B3GALT1: variants seen among roughly 807,000 people sequenced by gnomAD.
B3GALT1 encodes UDP-Gal:betaGlcNAc beta 1,3-galactosyltransferase, polypeptide 1.
B3GALT1 carries 10 observed loss-of-function variants against 23.2 expected under a neutral mutation model. The observed-to-expected ratio is 0.43, with a 90% CI of 0.27 to 0.73. The LOEUF (loss-of-function observed/expected upper bound fraction) is 0.73, where lower values mean the gene tolerates loss of function less well. B3GALT1 is among the 30% of genes least tolerant of loss of function. The pLI, the probability that B3GALT1 is intolerant of heterozygous loss-of-function variation, is 0.21. For missense variants in B3GALT1, 299 were observed against 405.4 expected, an observed-to-expected ratio of 0.74 and a Z score of 2.25; for synonymous variants, 156 against 141.5, an observed-to-expected ratio of 1.10 and a Z score of -0.73.
intron 2 of B3GALT1, among the ~76,000 whole-genome samples, chr2:167,590,162 C>T (rs1482165908): frequency 1.3e-5 from 2 of 151,802 alleles, no homozygotes; most frequent in African/African-American, 4.8e-5. Flanking sequence ...CTGGCTAACA[C>T]AGTGAAACCC....
At chr2:167,299,548 G>A (rs76936937) in intron 1 of B3GALT1, among the ~76,000 whole-genome samples, 10,726 of 152,172 alleles carry the variant, frequency 0.07, 391 homozygotes, top group South Asian at 0.083. Context: ...AGTAATGCAT[G>A]TTGATTTCTC....
At chr2:167,297,868 C>G (rs1468951614) in intron 1 of B3GALT1, among the ~76,000 whole-genome samples, 1 of 152,024 alleles carries the variant, frequency 6.6e-6, no homozygotes, top group African/African-American at 2.4e-5. Context: ...GATTACAGGA[C>G]AATAGTGCAG....
intron 3 of B3GALT1, among the ~76,000 whole-genome samples, chr2:167,754,117 T>G (rs1203941999): frequency 1.3e-5 from 2 of 152,224 alleles, no homozygotes; most frequent in African/African-American, 2.4e-5. Flanking sequence ...GAAAAATGCC[T>G]GATATGCTTA....
At chr2:167,421,830 A>T (rs1054990449) in intron 1 of B3GALT1, among the ~76,000 whole-genome samples, 6 of 152,254 alleles carry the variant, frequency 3.9e-5, no homozygotes, top group Non-Finnish European at 7.3e-5. Flanking sequence ...AGCTTAGGAA[A>T]ATATATCTAA....
chr2:167,344,829 A>G (rs1375843867), intron 1 of B3GALT1, among the ~76,000 whole-genome samples: 1 of 152,168 alleles, frequency 6.6e-6, no homozygotes, highest in African/African-American at 2.4e-5. Context: ...TTACTAGTGA[A>G]TGTCATAGCC....
Position 167,868,999 on chromosome 2 carries a change from G to T in B3GALT1, c.-41G>T, listed in dbSNP as rs1559009471. On this transcript the variant is annotated 5_prime_UTR_variant, in exon 5 of 5. Coordinates refer to ENST00000392690, the MANE Select transcript of B3GALT1 (RefSeq NM_020981.4). Reference sequence around the variant, plus strand: ...ATGAAAACAAACTAGTGCCAAGGAGGCGTATTCTTCAATATTTGGAATAGA... The same window carrying T: ...ATGAAAACAAACTAGTGCCAAGGAGTCGTATTCTTCAATATTTGGAATAGA... 6.5e-7 allele frequency: 1 copy of T among 1,537,672 alleles called. No individual in the cohort carries two copies. The highest frequency in any genetic ancestry group is 8.7e-7 in the Non-Finnish European group (1 of 1,144,618).
intron 3 of B3GALT1, among the ~76,000 whole-genome samples, chr2:167,718,724 T>A (rs1213073470): frequency 6.6e-6 from 1 of 151,398 alleles, no homozygotes; most frequent in Non-Finnish European, 1.5e-5. Flanking sequence ...AAGGGCATGA[T>A]CTAATGGTCA....
At chr2:167,410,903 C>T (rs1485079987) in intron 1 of B3GALT1, among the ~76,000 whole-genome samples, 2 of 151,988 alleles carry the variant, frequency 1.3e-5, no homozygotes, top group Admixed American at 6.6e-5. Context: ...CTTATGACCT[C>T]TTAGGTCATA....
intron 2 of B3GALT1, among the ~76,000 whole-genome samples, chr2:167,635,587 A>G (rs1215599280): frequency 1.3e-5 from 2 of 151,552 alleles, no homozygotes; most frequent in Non-Finnish European, 2.9e-5. Flanking sequence ...GTGAACTCCC[A>G]TTGACAATTG....
At chr2:167,311,391 G>A (rs1176474104) in intron 1 of B3GALT1, among the ~76,000 whole-genome samples, 1 of 151,976 alleles carries the variant, frequency 6.6e-6, no homozygotes, top group African/African-American at 2.4e-5. Context: ...GGGTAAAATG[G>A]TAAAACAAAG....
chr2:167,636,471 C>T (rs995496472), intron 2 of B3GALT1, among the ~76,000 whole-genome samples: 1 of 151,980 alleles, frequency 6.6e-6, no homozygotes, highest in African/African-American at 2.4e-5. Flanking sequence ...TTGACCCAGC[C>T]ATCCCATTAC....
chr2:167,759,728 A>G (rs996534832), intron 3 of B3GALT1, among the ~76,000 whole-genome samples: 1 of 152,032 alleles, frequency 6.6e-6, no homozygotes, highest in Non-Finnish European at 1.5e-5. Flanking sequence ...CCTGATGGGG[A>G]GCCAGAGGCA....
At chr2:167,692,552 C>T (rs576643927) in intron 3 of B3GALT1, among the ~76,000 whole-genome samples, 16 of 152,166 alleles carry the variant, frequency 1.1e-4, no homozygotes, top group African/African-American at 3.6e-4. Context: ...CCCTTATTTC[C>T]ACTGAATTGG....
At chr2:167,416,743 A>G (rs1388919052) in intron 1 of B3GALT1, among the ~76,000 whole-genome samples, 3 of 152,222 alleles carry the variant, frequency 2.0e-5, no homozygotes, top group Admixed American at 1.3e-4. Context: ...AGATGGGGCT[A>G]CCTGAAGCCT....
chr2:167,643,735 A>G (rs1313251532), intron 2 of B3GALT1, among the ~76,000 whole-genome samples: 1 of 152,210 alleles, frequency 6.6e-6, no homozygotes, highest in Admixed American at 6.5e-5. Flanking sequence ...TTTAAACTGA[A>G]CAGTATCTGT....
Position 167,619,991 on chromosome 2 carries a change from A to T in B3GALT1, c.-409-26918A>T, listed in dbSNP as rs530081519. 3.9e-5 allele frequency among the ~76,000 whole-genome samples: 6 copies of T among 152,278 alleles called. No homozygotes were observed. The South Asian group carries it at 1.2e-3, about 32-fold the overall frequency. ...TCACATTAAGCTATTTAAAAAGCTC[A>T]AAGAGGATCTTATGAAGGATATTAA... On this transcript the variant is annotated intron_variant, in intron 2 of 4. Coordinates refer to ENST00000392690, the MANE Select transcript of B3GALT1 (RefSeq NM_020981.4).
intron 3 of B3GALT1, among the ~76,000 whole-genome samples, chr2:167,725,019 C>G (rs941409970): frequency 1.3e-5 from 2 of 152,104 alleles, no homozygotes; most frequent in African/African-American, 4.8e-5. Flanking sequence ...CTCATTTGTC[C>G]AGAAGAATGT....
intron 4 of B3GALT1, among the ~76,000 whole-genome samples, chr2:167,831,992 C>A (rs1323750103): frequency 6.6e-6 from 1 of 152,122 alleles, no homozygotes; most frequent in African/African-American, 2.4e-5. Context: ...AAAAGCCAGT[C>A]AACAGACAGT....
chr2:167,558,681 A>G (rs930285580), intron 2 of B3GALT1, among the ~76,000 whole-genome samples: 1 of 152,190 alleles, frequency 6.6e-6, no homozygotes, highest in Non-Finnish European at 1.5e-5. Context: ...GGAGGTTCCT[A>G]CGCCCATGGA....
Sources: gnomAD v4.1 joint callset for allele counts (sites outside exome capture counted in the v4.1 genomes callset) on GRCh38, gnomAD v4.1.1 for gene constraint, MANE v1.5 for transcripts, NCBI Gene and HGNC (gene_info 2026-07-23, HGNC 2026-07-21) for gene names.